The following PTPRD variants were observed in gnomAD, a reference collection of about 807,000 sequenced individuals.
The protein encoded by PTPRD is receptor-type tyrosine-protein phosphatase delta.
Under a neutral mutation model 214.5 loss-of-function variants are expected in PTPRD, and 34 were observed. That is an observed-to-expected ratio of 0.16 (90% CI 0.12 to 0.21). The LOEUF is 0.21. PTPRD is among the 10% of genes least tolerant of loss of function. The pLI is 1.00. For missense variants in PTPRD, 2,545 were observed against 2,398.7 expected (o/e 1.06, Z -1.27); for synonymous variants, 1,128 against 845.7 (o/e 1.33, Z -5.79).
chr9:10,328,500 T>C (rs993207831), intron 3 of PTPRD, among the ~76,000 whole-genome samples: 13 of 151,796 alleles, frequency 8.6e-5, no homozygotes, highest in Non-Finnish European at 7.4e-5. Context: ...TCTTTGCCCA[T>C]AGGAACTTGT....
At chr9:10,040,410 A>G (rs1228403034) in intron 3 of PTPRD, among the ~76,000 whole-genome samples, 1 of 152,042 alleles carries the variant, frequency 6.6e-6, no homozygotes, top group Non-Finnish European at 1.5e-5. Flanking sequence ...TGCCCAAACT[A>G]CATACTGAGA....
chr9:9,711,227 C>G (rs2097722805), intron 7 of PTPRD, among the ~76,000 whole-genome samples: 2 of 152,022 alleles, frequency 1.3e-5, no homozygotes, highest in African/African-American at 4.8e-5. Context: ...TTAAAAAATG[C>G]AGTGATGTGT....
intron 12 of PTPRD, among the ~76,000 whole-genome samples, chr9:8,653,868 G>C (rs893693782): frequency 6.6e-6 from 1 of 152,110 alleles, no homozygotes; most frequent in African/African-American, 2.4e-5. Flanking sequence ...CTTCACTTGT[G>C]CTCTTGATCC....
At position 9,947,268 on chromosome 9, in the gene PTPRD, T is replaced by C. The variant is rs374679006; in HGVS notation, c.-471-8658A>G. ...TTAGATATCCAAATTCTTTTCTAGTTATACTTAACATGTGCTCTGGAGATT... is the reference window on the plus strand; with the variant it reads ...TTAGATATCCAAATTCTTTTCTAGTCATACTTAACATGTGCTCTGGAGATT... On this transcript the variant is annotated intron_variant, in intron 4 of 45. Transcript: ENST00000381196. Among the ~76,000 whole-genome samples, 162 of 117,414 alleles carry C rather than the reference T, an allele frequency of 1.4e-3. 8 individuals carry two copies. The South Asian group carries it at 0.037, about 27-fold the overall frequency. The allele number at this position is 117,414 out of a possible 152,430, so 77.0% of individuals were successfully genotyped here.
At chr9:9,170,150 T>C (rs2099911657) in intron 10 of PTPRD, among the ~76,000 whole-genome samples, 1 of 152,220 alleles carries the variant, frequency 6.6e-6, no homozygotes, top group Non-Finnish European at 1.5e-5. Context: ...ATTACAAAAT[T>C]GGATCAAAGG....
intron 10 of PTPRD, among the ~76,000 whole-genome samples, chr9:9,119,203 T>C (rs2099815238): frequency 6.6e-6 from 1 of 152,232 alleles, no homozygotes; most frequent in Non-Finnish European, 1.5e-5. Flanking sequence ...CTTATCATTT[T>C]ATAGGTTTAC....
intron 2 of PTPRD, among the ~76,000 whole-genome samples, chr9:10,562,777 T>C (rs912332973): frequency 1.3e-5 from 2 of 152,156 alleles, no homozygotes; most frequent in African/African-American, 4.8e-5. Flanking sequence ...TGTACTGCAG[T>C]TCCATTTCTG....
chr9:8,430,837 A>T (rs369879924), intron 35 of PTPRD, among the ~76,000 whole-genome samples: 1 of 152,006 alleles, frequency 6.6e-6, no homozygotes, highest in African/African-American at 2.4e-5. Context: ...ACCTTTCTCA[A>T]TTCTCCAGAT....
chr9:9,641,422 GC>G (rs1457386979), intron 7 of PTPRD, among the ~76,000 whole-genome samples: 1 of 152,104 alleles, frequency 6.6e-6, no homozygotes, highest in Non-Finnish European at 1.5e-5. Context: ...TGATGAGCAG[GC>G]AAAGATAAGT....
chr9:10,523,637 GGA>G (rs34292948), intron 2 of PTPRD, among the ~76,000 whole-genome samples: 253 of 22,420 alleles, frequency 0.011, 1 homozygote, highest in African/African-American at 0.021. Context: ...AGAAAGAAAG[GGA>G]GAGAGAGAGA....
intron 20 of PTPRD, 100 bp downstream of exon 20, chr9:8,521,177 T>A (rs2097884432): frequency 7.5e-7 from 1 of 1,340,334 alleles, no homozygotes; most frequent in East Asian, 2.4e-5. Flanking sequence ...AAATGCTGAA[T>A]AATGAATTAT....
At chr9:10,586,615 C>G (rs1377613585) in intron 2 of PTPRD, among the ~76,000 whole-genome samples, 2 of 151,990 alleles carry the variant, frequency 1.3e-5, no homozygotes, top group African/African-American at 4.8e-5. Flanking sequence ...TGTCTTTCAT[C>G]AGGTTTGCTT....
chr9:8,638,063 T>A (rs2096485388), intron 12 of PTPRD, among the ~76,000 whole-genome samples: 1 of 151,762 alleles, frequency 6.6e-6, no homozygotes, highest in Admixed American at 6.6e-5. Context: ...ATGTTCTGGC[T>A]GAAAATGTTT....
In PTPRD at chr9:10,301,538, T is replaced by C. The variant is rs1276659545; in HGVS notation, c.-545+39425A>G. Reference sequence around the variant, plus strand: ...GAACTTTGACAAAAGGTTAGACAAATTGCTAACTAGAATAACCAGTATAGA... The same window carrying C: ...GAACTTTGACAAAAGGTTAGACAAACTGCTAACTAGAATAACCAGTATAGA... On this transcript the variant is annotated intron_variant, in intron 3 of 45. Transcript: ENST00000381196. Among the ~76,000 whole-genome samples the C allele has an allele frequency of 2.6e-5, 4 of 152,204 alleles. No homozygotes were observed. The East Asian group carries it at 5.8e-4, about 22-fold the overall frequency.
chr9:10,493,861 A>AT (rs1196944641), intron 2 of PTPRD, among the ~76,000 whole-genome samples: 1 of 152,028 alleles, frequency 6.6e-6, no homozygotes, highest in African/African-American at 2.4e-5. Flanking sequence ...AATACTATTA[A>AT]TTATACCTAA....
At chr9:9,495,943 C>A (rs1453451489) in intron 8 of PTPRD, among the ~76,000 whole-genome samples, 1 of 152,122 alleles carries the variant, frequency 6.6e-6, no homozygotes, top group African/African-American at 2.4e-5. Context: ...TAGCAGGCAC[C>A]CCAACTTGGG....
intron 8 of PTPRD, among the ~76,000 whole-genome samples, chr9:9,455,303 A>C (rs1337058689): frequency 6.6e-6 from 1 of 151,618 alleles, no homozygotes; most frequent in African/African-American, 2.4e-5. Flanking sequence ...ATTTTTAAAA[A>C]TATTAATGTA....
intron 11 of PTPRD, among the ~76,000 whole-genome samples, chr9:8,908,027 T>C (rs1270036582): frequency 6.6e-6 from 1 of 151,966 alleles, no homozygotes; most frequent in Non-Finnish European, 1.5e-5. Context: ...ATCTTAAAAA[T>C]AAAGAGAAAA....
intron 2 of PTPRD, among the ~76,000 whole-genome samples, chr9:10,592,905 G>T (rs2075814204): frequency 6.6e-6 from 1 of 151,946 alleles, no homozygotes; most frequent in Non-Finnish European, 1.5e-5. Context: ...CCCAGCAGCA[G>T]CAACCTGCTC....
Sources: gnomAD v4.1 joint callset for allele counts (sites outside exome capture counted in the v4.1 genomes callset) on GRCh38, gnomAD v4.1.1 for gene constraint, MANE v1.5 for transcripts, NCBI Gene and HGNC (gene_info 2026-07-23, HGNC 2026-07-21) for gene names.